PUM3: variants seen among roughly 807,000 people sequenced by gnomAD.
PUM3 encodes the protein pumilio homolog 3.
Under a neutral mutation model 84.0 loss-of-function variants are expected in PUM3, and 91 were observed. The ratio of observed to expected loss-of-function variants is 1.08; its 90% CI spans 0.91 to 1.29. The LOEUF (loss-of-function observed/expected upper bound fraction) is 1.29, where lower values mean the gene tolerates loss of function less well. Ranked by LOEUF, PUM3 falls within the 50% of genes most tolerant of loss-of-function variation. PUM3 has a pLI of 0.00. For synonymous variants in PUM3, 321 were observed against 266.7 expected (o/e 1.20, Z -1.98); for missense variants, 1,067 against 767.5 (o/e 1.39, Z -4.61).
intron 13 of PUM3, among the ~76,000 whole-genome samples, chr9:2,814,001 T>A (rs1349567919): frequency 1.2e-5 from 1 of 85,564 alleles, no homozygotes; most frequent in East Asian, 3.4e-4. Context: ...AAGATCACAG[T>A]ATAAAGATTC....
In PUM3 at chr9:2,823,846, A is replaced by G. The variant is rs1033269867; in HGVS notation, c.1135-12T>C. 4 of 1,482,164 alleles carry G rather than the reference A, an allele frequency of 2.7e-6. No homozygotes were observed. The highest frequency in any genetic ancestry group is 3.7e-6 in the Non-Finnish European group (4 of 1,086,336). The allele number at this position is 1,482,164 out of a possible 1,614,324, so 91.8% of individuals were successfully genotyped here. A position where few individuals can be genotyped will look rare whatever the true frequency, so the allele number is the denominator to read the frequency against. On this transcript the variant is annotated splice_polypyrimidine_tract_variant and intron_variant, in intron 11 of 17. Coordinates refer to ENST00000397885, the MANE Select transcript of PUM3 (RefSeq NM_014878.5). ...ATCACTTTCCTGTCCTTAAAAAGGAAAGATTGTCTCACTGAATTTTCAGTT... is the reference window on the plus strand; with the variant it reads ...ATCACTTTCCTGTCCTTAAAAAGGAGAGATTGTCTCACTGAATTTTCAGTT...
At chr9:2,815,419 C>G (rs187199860) in intron 13 of PUM3, among the ~76,000 whole-genome samples, 1 of 152,268 alleles carries the variant, frequency 6.6e-6, no homozygotes, top group Admixed American at 6.5e-5. Context: ...TGTGTACTAA[C>G]AATTCCAGTA....
At chr9:2,806,878 A>G (rs1357133432) in intron 17 of PUM3, among the ~76,000 whole-genome samples, 1 of 152,176 alleles carries the variant, frequency 6.6e-6, no homozygotes, top group African/African-American at 2.4e-5. Flanking sequence ...AAAAGTCAAC[A>G]TTGTCACAGT....
chr9:2,808,527 G>C (rs940090172), intron 16 of PUM3, among the ~76,000 whole-genome samples: 1 of 152,196 alleles, frequency 6.6e-6, no homozygotes, highest in African/African-American at 2.4e-5. Context: ...GAGAAATTCT[G>C]ATAGCTAAGA....
At chr9:2,822,035 T>C (rs1815657456) in intron 12 of PUM3, among the ~76,000 whole-genome samples, 2 of 152,188 alleles carry the variant, frequency 1.3e-5, no homozygotes, top group African/African-American at 2.4e-5. Flanking sequence ...ACAAAATCAC[T>C]GGTTTCAGTT....
intron 13 of PUM3, among the ~76,000 whole-genome samples, chr9:2,813,980 T>A (rs1287703209): frequency 6.9e-6 from 1 of 145,778 alleles, no homozygotes; most frequent in Non-Finnish European, 1.5e-5. Context: ...TCCTAACTAC[T>A]TCTGAAGTTT....
chr9:2,836,749 T>A (rs1442802731), intron 3 of PUM3, among the ~76,000 whole-genome samples: 1 of 152,126 alleles, frequency 6.6e-6, no homozygotes, highest in Non-Finnish European at 1.5e-5. Flanking sequence ...ACTGATTCTT[T>A]AAAGCCAGAT....
chr9:2,811,459 C>T lies in PUM3; in HGVS notation c.1537G>A (p.Asp513Asn). 1 of 1,614,174 alleles carries T rather than the reference C, an allele frequency of 6.2e-7. No individual in the cohort carries two copies. The highest frequency in any genetic ancestry group is 8.5e-7 in the Non-Finnish European group (1 of 1,180,032). Residue 513 changes from aspartate to asparagine, a missense_variant, in exon 15 of 18, where the codon GAC becomes AAC. Asp to Asn is a conservative substitution (Grantham distance 23, BLOSUM62 1). Transcript: ENST00000397885. ...TCTCCAGTGGCAGATCCCAGAATGT[C>T]AGACACCAACACACACGCAGACTTA... ...LDKSACVLVS[D>N]ILGSATGDVQ... is the part of the protein sequence containing the mutation.
At chr9:2,832,037 T>G (rs1815996472) in intron 5 of PUM3, among the ~76,000 whole-genome samples, 1 of 152,158 alleles carries the variant, frequency 6.6e-6, no homozygotes, top group South Asian at 2.1e-4. Context: ...CAAAATTATT[T>G]TCACTACGCC....
chr9:2,830,063 T>C (rs1203032848), intron 7 of PUM3, 115 bp from the exon 8 acceptor site: 2 of 835,212 alleles, frequency 2.4e-6, no homozygotes, highest in Non-Finnish European at 1.9e-6. Context: ...CTCTGAGGAG[T>C]AAATGAGCTA....
At chr9:2,811,810 T>C (rs1821381446) in intron 14 of PUM3, among the ~76,000 whole-genome samples, 2 of 135,624 alleles carry the variant, frequency 1.5e-5, no homozygotes, top group East Asian at 2.1e-4. Flanking sequence ...GAACAAGGGC[T>C]CAATAAAGGG....
At chr9:2,806,067 T>C (rs1053928087) in intron 17 of PUM3, among the ~76,000 whole-genome samples, 23 of 152,332 alleles carry the variant, frequency 1.5e-4, no homozygotes, top group African/African-American at 5.3e-4. Flanking sequence ...CAATTCTGAG[T>C]AGTGCTCCAT....
At chr9:2,840,983 T>C (rs377446939) in intron 1 of PUM3, among the ~76,000 whole-genome samples, 5 of 152,246 alleles carry the variant, frequency 3.3e-5, no homozygotes, top group South Asian at 4.1e-4. Flanking sequence ...AACTTATGCA[T>C]ATGCACATAC....
At chr9:2,830,120 A>G (rs776023733) in intron 7 of PUM3, among the ~76,000 whole-genome samples, 172 bp from the exon 8 acceptor site, 2 of 152,186 alleles carry the variant, frequency 1.3e-5, no homozygotes, top group Admixed American at 1.3e-4. Context: ...TGCTCAATAA[A>G]TGTCATTTCC....
rs766351655 is a variant in PUM3 at position 2,807,835 on chromosome 9, C to T, written c.1793G>A (p.Arg598Gln). The T allele has an allele frequency of 9.4e-6, 15 of 1,603,530 alleles. No homozygotes were observed. The highest frequency in any genetic ancestry group is 1.1e-5 in the Non-Finnish European group (13 of 1,175,458). Reference protein sequence around the residue: ...KNLKSWASVNRGAIILSSLLQ... With the variant: ...KNLKSWASVNQGAIILSSLLQ... Reference sequence around the variant, plus strand: ...ATACCTAGAAAGAATAATGGCACCTCGATTTACACTAGCCCAGGACTTCAG... The same window carrying T: ...ATACCTAGAAAGAATAATGGCACCTTGATTTACACTAGCCCAGGACTTCAG... Residue 598 changes from arginine to glutamine, a missense_variant, in exon 17 of 18, where the codon CGA becomes CAA. Physicochemically the swap from Arg to Gln is conservative, Grantham distance 43. Transcript: ENST00000397885.
intron 10 of PUM3, among the ~76,000 whole-genome samples, chr9:2,825,859 T>C (rs765105249): frequency 2.6e-5 from 4 of 152,176 alleles, no homozygotes; most frequent in Non-Finnish European, 5.9e-5. Flanking sequence ...TTTTAGTCTA[T>C]TCCCAATTTA....
At chr9:2,834,341 C>T (rs969392693) in intron 3 of PUM3, among the ~76,000 whole-genome samples, 175 bp from the exon 4 acceptor site, 3 of 152,158 alleles carry the variant, frequency 2.0e-5, no homozygotes, top group Non-Finnish European at 2.9e-5. Context: ...GCAGTTTGTA[C>T]ATTTTACATT....
Position 2,811,546 on chromosome 9 carries a change from C to T in PUM3, c.1450G>A (p.Glu484Lys). 6.2e-7 allele frequency: 1 copy of T among 1,614,100 alleles called. No individual in the cohort carries two copies. The change falls in exon 15 of 18, where the codon GAA becomes AAA. Residue 484 changes from glutamate (E) to lysine (K), a missense_variant. Physicochemically the swap from Glu to Lys is moderately conservative, Grantham distance 56. Coordinates refer to ENST00000397885, the MANE Select transcript of PUM3 (RefSeq NM_014878.5). Reference sequence around the variant, plus strand: ...CTTAACAAAGCTGGAGAAATGGATTCTAGGAGCTCCCGTCTGCGGACCTCT... The same window carrying T: ...CTTAACAAAGCTGGAGAAATGGATTTTAGGAGCTCCCGTCTGCGGACCTCT... ...DTEVRRRELL[E>K]SISPALLSYL...
chr9:2,828,686 TGGAGTTA>T lies in PUM3; in HGVS notation c.938_944del (p.Leu313GlnfsTer8). 1 of 1,583,248 alleles carries T rather than the reference TGGAGTTA, an allele frequency of 6.3e-7. No homozygotes were observed. The highest frequency in any genetic ancestry group is 8.7e-7 in the Non-Finnish European group (1 of 1,152,900). ...AACAACTTTCTTACTTTTGGGCCAT[TGGAGTTA>T]GAATCTGTTTCATTTCATCCATAAT... On this transcript the variant is annotated frameshift_variant, in exon 9 of 18. Coordinates refer to ENST00000397885, the MANE Select transcript of PUM3 (RefSeq NM_014878.5). LOFTEE classifies it high-confidence loss of function.
Sources: gnomAD v4.1 joint callset for allele counts (sites outside exome capture counted in the v4.1 genomes callset) on GRCh38, gnomAD v4.1.1 for gene constraint, MANE v1.5 for transcripts, NCBI Gene and HGNC (gene_info 2026-07-23, HGNC 2026-07-21) for gene names.